CACNA1D: variants seen among roughly 807,000 people sequenced by gnomAD.
CACNA1D encodes the protein voltage-dependent L-type calcium channel subunit alpha-1D.
CACNA1D carries 55 observed loss-of-function variants against 257.1 expected under a neutral mutation model. That is an observed-to-expected ratio of 0.21 (90% CI 0.17 to 0.27). CACNA1D has a LOEUF of 0.27. Among genes scored for constraint, CACNA1D ranks in the 10% least tolerant of loss-of-function variants. The probability of loss-of-function intolerance (pLI) is 1.00; values close to 1 mark genes in which losing one functional copy is unlikely to be tolerated. For synonymous variants in CACNA1D, 980 were observed against 1,014.9 expected, an observed-to-expected ratio of 0.97 and a Z score of 0.65; for missense variants, 1,876 against 2,784.0, an observed-to-expected ratio of 0.67 and a Z score of 7.34.
chr3:53,520,867 T>G (rs1200105056), intron 3 of CACNA1D, among the ~76,000 whole-genome samples: 1 of 80,952 alleles, frequency 1.2e-5, no homozygotes, highest in Admixed American at 1.2e-4. Flanking sequence ...TCTTTCTTTC[T>G]TTCTTTCTTT....
chr3:53,649,202 A>G (rs1281480864), intron 3 of CACNA1D, among the ~76,000 whole-genome samples: 1 of 152,218 alleles, frequency 6.6e-6, no homozygotes, highest in African/African-American at 2.4e-5. Flanking sequence ...TACTGCAAGC[A>G]AACATTTAAT....
At chr3:53,715,798 C>G (rs1417384267) in intron 9 of CACNA1D, among the ~76,000 whole-genome samples, 1 of 152,192 alleles carries the variant, frequency 6.6e-6, no homozygotes, top group Non-Finnish European at 1.5e-5. Flanking sequence ...CAGTGGAGCC[C>G]TGGCACAGTG....
rs745527105 is a variant in CACNA1D, at chr3:53,723,630, G to A, written c.1863G>A (p.Val621=). 21 of 1,614,020 alleles carry A rather than the reference G, an allele frequency of 1.3e-5. No individual in the cohort carries two copies. The highest frequency in any genetic ancestry group is 3.4e-6 in the Non-Finnish European group (4 of 1,180,032). The stretch of plus-strand genomic sequence containing the variant: ...TGGGGATCTCTGTGTTTCGGTGTGT[G>A]CGCCTCTTAAGAATCTTCAAAGTGA... The part of the protein sequence containing the change: ...SPLGISVFRC[V]RLLRIFKVTR... Residue 621 remains valine (V), a synonymous_variant, in exon 13 of 48, where the codon GTG becomes GTA. Transcript: ENST00000350061. This position sits in a 1 kb window ranked among gnomAD's most constrained non-coding sequence, Gnocchi z 5.6.
intron 3 of CACNA1D, among the ~76,000 whole-genome samples, chr3:53,628,917 C>A (rs747528972): frequency 6.6e-6 from 1 of 152,216 alleles, no homozygotes; most frequent in Non-Finnish European, 1.5e-5. Flanking sequence ...GCTAGGTAAT[C>A]ACTAGCATTC....
At chr3:53,654,086 T>A (rs2094125427) in intron 4 of CACNA1D, among the ~76,000 whole-genome samples, 1 of 152,128 alleles carries the variant, frequency 6.6e-6, no homozygotes, top group Admixed American at 6.5e-5. Context: ...AAAATCAAAA[T>A]TTTTTCAGAC....
At chr3:53,560,107 T>C (rs58651265) in intron 3 of CACNA1D, among the ~76,000 whole-genome samples, 1 of 150,408 alleles carries the variant, frequency 6.6e-6, no homozygotes, top group Non-Finnish European at 1.5e-5. Flanking sequence ...AAATGAGGGT[T>C]CTCTTCAGGT....
intron 22 of CACNA1D, among the ~76,000 whole-genome samples, chr3:53,744,380 G>A (rs550909645): frequency 6.6e-6 from 1 of 152,316 alleles, no homozygotes; most frequent in South Asian, 2.1e-4. Flanking sequence ...AAGTGCTACA[G>A]CAGACCTCCA....
chr3:53,711,607 G>A (rs1025681675), intron 9 of CACNA1D, among the ~76,000 whole-genome samples: 4 of 152,212 alleles, frequency 2.6e-5, no homozygotes, highest in Non-Finnish European at 4.4e-5. Flanking sequence ...CAGCAGGGAC[G>A]TGAAGCCAAC....
intron 21 of CACNA1D, among the ~76,000 whole-genome samples, chr3:53,741,061 A>G (rs927522613): frequency 6.6e-6 from 1 of 152,220 alleles, no homozygotes; most frequent in Non-Finnish European, 1.5e-5. Context: ...CCCATGCATG[A>G]GCTAATGGCT....
chr3:53,688,653 C>T (rs1444912263), intron 8 of CACNA1D, among the ~76,000 whole-genome samples: 1 of 152,190 alleles, frequency 6.6e-6, no homozygotes, highest in Non-Finnish European at 1.5e-5. Context: ...CTCTCCAGGG[C>T]CTCACATCCT....
At chr3:53,660,098 G>A (rs2094188955) in intron 4 of CACNA1D, 35 bp from the exon 5 acceptor site, 2 of 1,602,580 alleles carry the variant, frequency 1.2e-6, no homozygotes, top group African/African-American at 1.3e-5. Context: ...TGGGGTAACA[G>A]ACTCTAACAT....
At chr3:53,788,498 C>T (rs549176151) in intron 40 of CACNA1D, among the ~76,000 whole-genome samples, 5 of 152,264 alleles carry the variant, frequency 3.3e-5, no homozygotes, top group African/African-American at 1.2e-4. Context: ...AGCTAGCCTC[C>T]GAAAGACAAA....
At chr3:53,511,936 A>G (rs1234637793) in intron 3 of CACNA1D, among the ~76,000 whole-genome samples, 1 of 152,242 alleles carries the variant, frequency 6.6e-6, no homozygotes, top group Non-Finnish European at 1.5e-5. Flanking sequence ...ATTTAAATAA[A>G]TGACCAATAT....
At chr3:53,749,162 G>C in intron 26 of CACNA1D, 106 bp from the exon 27 acceptor site, 2 of 790,858 alleles carry the variant, frequency 2.5e-6, no homozygotes, top group Non-Finnish European at 4.4e-6. Flanking sequence ...TTCCCAGCGA[G>C]TGCTCATGAG....
intron 9 of CACNA1D, among the ~76,000 whole-genome samples, chr3:53,716,638 G>A (rs771203523): frequency 6.6e-6 from 1 of 150,840 alleles, no homozygotes; most frequent in Non-Finnish European, 1.5e-5. Context: ...ATCAAGGTTT[G>A]TAATTGGTTT....
At position 53,673,876 on chromosome 3, in the gene CACNA1D, T is replaced by A. The variant is rs530710630; in HGVS notation, c.1220+750T>A. ...CTGCCACGTGTGAGGCAACTCTGCG[T>A]GTCTCCTAGCTGCTCCCTGACAGCT... On this transcript the variant is annotated intron_variant, in intron 8 of 47. Coordinates refer to ENST00000350061, the MANE Select transcript of CACNA1D (RefSeq NM_001128840.3). The surrounding 1 kb of genome is among the most constrained non-coding windows in gnomAD (Gnocchi z 4.1). 1.8e-5 allele frequency: 19 copies of A among 1,041,664 alleles called. No individual in the cohort carries two copies. In the African/African-American group the frequency reaches 2.8e-4, roughly 15 times the overall value. The allele number at this position is 1,041,664 out of a possible 1,614,324, so 64.5% of individuals were successfully genotyped here. A position where few individuals can be genotyped will look rare whatever the true frequency, so the allele number is the denominator to read the frequency against.
At chr3:53,646,629 G>A (rs1423863031) in intron 3 of CACNA1D, among the ~76,000 whole-genome samples, 1 of 152,156 alleles carries the variant, frequency 6.6e-6, no homozygotes, top group Non-Finnish European at 1.5e-5. Context: ...TGGGAGAGGG[G>A]GACTTCTGGC....
At chr3:53,639,952 C>G (rs1219087139) in intron 3 of CACNA1D, among the ~76,000 whole-genome samples, 1 of 151,224 alleles carries the variant, frequency 6.6e-6, no homozygotes, top group Non-Finnish European at 1.5e-5. Context: ...ACCTCTGCCT[C>G]CCGGGTTCAA....
chr3:53,691,704 TATATA>T (rs2094521642), intron 8 of CACNA1D, among the ~76,000 whole-genome samples: 1 of 55,422 alleles, frequency 1.8e-5, no homozygotes, highest in Non-Finnish European at 3.3e-5. Flanking sequence ...ATATATTACA[TATATA>T]ATATATATAT....
Sources: gnomAD v4.1 joint callset for allele counts (sites outside exome capture counted in the v4.1 genomes callset) on GRCh38, gnomAD v4.1.1 for gene constraint, Gnocchi (gnomAD v3.1) non-coding constraint, MANE v1.5 for transcripts, NCBI Gene and HGNC (gene_info 2026-07-23, HGNC 2026-07-21) for gene names.